SPG11: variants seen among roughly 807,000 people sequenced by gnomAD.
SPG11 encodes spatacsin.
SPG11 carries 222 observed loss-of-function variants against 274.0 expected under a neutral mutation model. The ratio of observed to expected loss-of-function variants is 0.81; its 90% confidence interval spans 0.73 to 0.91. The LOEUF is 0.91. Among genes scored for constraint, SPG11 ranks in the 40% least tolerant of loss-of-function variants. The probability of loss-of-function intolerance (pLI) is 0.00; values close to 1 mark genes in which losing one functional copy is unlikely to be tolerated. For synonymous variants in SPG11, 1,144 were observed against 1,039.7 expected, an observed-to-expected ratio of 1.10 and a Z score of -1.93; for missense variants, 3,114 against 2,872.7, an observed-to-expected ratio of 1.08 and a Z score of -1.92.
intron 19 of SPG11, among the ~76,000 whole-genome samples, chr15:44,606,674 G>A (rs1191431724): frequency 6.6e-6 from 1 of 152,078 alleles, no homozygotes; most frequent in Non-Finnish European, 1.5e-5. Context: ...TAAACGGATC[G>A]TGGGAAAAAT....
At chr15:44,649,421 T>C (rs2084699347) in intron 6 of SPG11, among the ~76,000 whole-genome samples, 1 of 152,154 alleles carries the variant, frequency 6.6e-6, no homozygotes, top group Non-Finnish European at 1.5e-5. Flanking sequence ...TTTGTAGCAA[T>C]AGGGTTTCAC....
At chr15:44,563,700 G>T (rs2082246032) in intron 39 of SPG11, among the ~76,000 whole-genome samples, 1 of 152,034 alleles carries the variant, frequency 6.6e-6, no homozygotes, top group Non-Finnish European at 1.5e-5. Context: ...GGAGTACAGT[G>T]GTTTTTCAGA....
intron 32 of SPG11, chr15:44,573,288 A>G (rs941286287): frequency 2.1e-5 from 13 of 613,294 alleles, no homozygotes; most frequent in South Asian, 1.8e-4. Flanking sequence ...CCCGGCCAGG[A>G]CAGTTCTTTA....
At chr15:44,646,201 T>C (rs569794358) in intron 7 of SPG11, among the ~76,000 whole-genome samples, 10 of 152,300 alleles carry the variant, frequency 6.6e-5, no homozygotes, top group South Asian at 2.1e-4. Context: ...CACGGCACTA[T>C]TGACAATGGC....
rs887015096 is a variant in SPG11 at position 44,625,088 on chromosome 15, C to A, written c.2244+1243G>T. Among the ~76,000 whole-genome samples, 115 of 150,514 alleles carry A rather than the reference C, an allele frequency of 7.6e-4. 1 individual carries two copies. Among genetic ancestry groups the A allele is most frequent in the African/African-American group, 2.7e-3 (110 of 40,866 alleles). On this transcript the variant is annotated intron_variant, in intron 11 of 39. Transcript: ENST00000261866. Reference sequence around the variant, plus strand: ...AGGTGGAAGTTTTGTGAGCCAAGATCGCACCATTGCACTGCAGCCTAGGCA... The same window carrying A: ...AGGTGGAAGTTTTGTGAGCCAAGATAGCACCATTGCACTGCAGCCTAGGCA...
intron 10 of SPG11, among the ~76,000 whole-genome samples, chr15:44,628,148 G>A (rs1202058117): frequency 6.6e-6 from 1 of 152,126 alleles, no homozygotes; most frequent in Non-Finnish European, 1.5e-5. Context: ...AATTTTAGTT[G>A]TATTATAACT....
At chr15:44,601,219 TA>T (rs1302378241) in intron 20 of SPG11, among the ~76,000 whole-genome samples, 3 of 146,104 alleles carry the variant, frequency 2.1e-5, no homozygotes, top group African/African-American at 8.2e-5. Context: ...TTGAGCAACT[TA>T]TTTAAGAATT....
intron 7 of SPG11, among the ~76,000 whole-genome samples, chr15:44,640,996 G>A (rs978732842): frequency 1.3e-5 from 2 of 152,148 alleles, no homozygotes; most frequent in Non-Finnish European, 2.9e-5. Flanking sequence ...CCAAAGTGCT[G>A]GGATTACAGG....
intron 14 of SPG11, chr15:44,621,363 G>T: frequency 6.2e-6 from 1 of 160,250 alleles, no homozygotes; most frequent in Admixed American, 6.3e-5. Flanking sequence ...AAAAACTTCA[G>T]CCATAATAGT....
At chr15:44,629,591 A>C (rs2083999390) in intron 8 of SPG11, among the ~76,000 whole-genome samples, 1 of 152,192 alleles carries the variant, frequency 6.6e-6, no homozygotes, top group Non-Finnish European at 1.5e-5. Context: ...TCATTTACTG[A>C]TATCACTGCT....
At chr15:44,568,709 TCA>T (rs142889876) in intron 35 of SPG11, among the ~76,000 whole-genome samples, 3,246 of 152,288 alleles carry the variant, frequency 0.021, 51 homozygotes, top group Middle Eastern at 0.068. Flanking sequence ...GCACAATTTT[TCA>T]CAGTCTCCTG....
At position 44,629,225 on chromosome 15, in the gene SPG11, A is replaced by T. The variant is rs370785527; in HGVS notation, c.1891+8T>A. ...TAGAATTGCCCCCTTCCTAGCTGCT[A>T]TTCTTACCTTCAGTGTGAATGAAAA... is the stretch of plus-strand genomic sequence containing the variant. On this transcript the variant is annotated splice_region_variant and intron_variant, in intron 9 of 39. Coordinates refer to ENST00000261866, the MANE Select transcript of SPG11 (RefSeq NM_025137.4). The T allele has an allele frequency of 7.7e-5, 125 of 1,613,868 alleles. No individual in the cohort carries two copies. Among genetic ancestry groups the T allele is most frequent in the Non-Finnish European group, 1.1e-4 (124 of 1,179,784 alleles).
intron 36 of SPG11, 52 bp downstream of exon 36, chr15:44,567,371 AT>A: frequency 6.5e-7 from 1 of 1,541,858 alleles, no homozygotes; most frequent in East Asian, 2.3e-5. Context: ...AAAAAAAGGA[AT>A]TTTACCTAGC....
intron 18 of SPG11, among the ~76,000 whole-genome samples, 165 bp downstream of exon 18, chr15:44,610,675 G>A (rs2083437690): frequency 6.6e-6 from 1 of 152,226 alleles, no homozygotes; most frequent in Non-Finnish European, 1.5e-5. Flanking sequence ...ACTGCACCGG[G>A]CCGAGATATA....
At chr15:44,634,956 T>C (rs1427479122) in intron 7 of SPG11, among the ~76,000 whole-genome samples, 1 of 152,000 alleles carries the variant, frequency 6.6e-6, no homozygotes, top group Non-Finnish European at 1.5e-5. Context: ...TGGTGGCTCA[T>C]GCCTGTAATC....
rs750599604 is a variant in SPG11 at position 44,629,352 on chromosome 15, C to G, written c.1772G>C (p.Cys591Ser). The change falls in exon 9 of 40, where the codon TGC becomes TCC. Residue 591 changes from cysteine to serine, a missense_variant. Transcript: ENST00000261866. ...EELIPALDLLCSAIRESYSEP... is the reference protein window; with the variant it reads ...EELIPALDLLSSAIRESYSEP... Reference sequence around the variant, plus strand: ...AGAATAACTTTCTCTAATTGCCGAGCAAAGTAAATCCAATGCTGGTATCAG... The same window carrying G: ...AGAATAACTTTCTCTAATTGCCGAGGAAAGTAAATCCAATGCTGGTATCAG... 2 of 1,613,998 alleles carry G rather than the reference C, an allele frequency of 1.2e-6. No homozygotes were observed. The highest frequency in any genetic ancestry group is 2.7e-5 in the African/African-American group (2 of 74,914).
In SPG11 at chr15:44,570,640, A is replaced by G; in HGVS notation, c.6362T>C (p.Leu2121Pro). 1 of 1,614,104 alleles carries G rather than the reference A, an allele frequency of 6.2e-7. No individual in the cohort carries two copies. ...ELSCTTELLI[L>P]AHHCFTLTCH... The stretch of plus-strand genomic sequence containing the variant: ...CGTCAGGGTGAAGCAATGATGGGCC[A>G]GGATCAGGAGCTCTGTGGCTGGGAG... Residue 2121 changes from leucine to proline, a missense_variant, in exon 34 of 40, where the codon CTG (leucine) becomes CCG (proline). By Grantham distance (98) the Leu-to-Pro change is moderately conservative. Coordinates refer to ENST00000261866, the MANE Select transcript of SPG11 (RefSeq NM_025137.4).
At chr15:44,599,407 C>G (rs2083126264) in intron 21 of SPG11, among the ~76,000 whole-genome samples, 1 of 152,120 alleles carries the variant, frequency 6.6e-6, no homozygotes, top group Non-Finnish European at 1.5e-5. Flanking sequence ...TCAAGCGATT[C>G]TCCTGCCTCA....
chr15:44,620,807 T>C (rs2083724874), intron 14 of SPG11: 2 of 167,822 alleles, frequency 1.2e-5, no homozygotes. Context: ...CAAGCGATTC[T>C]CCTGCCTCGG....
Sources: allele counts gnomAD v4.1 joint callset (sites outside exome capture counted in the v4.1 genomes callset), GRCh38; gene constraint gnomAD v4.1.1; transcripts MANE v1.5; gene names NCBI Gene and HGNC (gene_info 2026-07-23, HGNC 2026-07-21).